Variants in CCDC47 observed in about 807,000 individuals in gnomAD.
CCDC47 encodes the protein coiled-coil domain containing 47, also known as PAT complex subunit CCDC47.
CCDC47 carries 41 observed loss-of-function variants against 60.5 expected under a neutral mutation model. That is an observed-to-expected ratio of 0.68 (90% CI 0.53 to 0.88). CCDC47 has a LOEUF of 0.88. Among genes scored for constraint, CCDC47 ranks in the 40% least tolerant of loss-of-function variants. The probability of loss-of-function intolerance (pLI) is 0.00; values close to 1 mark genes in which losing one functional copy is unlikely to be tolerated. For missense variants in CCDC47, 513 were observed against 580.9 expected (o/e 0.88, Z 1.20); for synonymous variants, 195 against 190.7 (o/e 1.02, Z -0.18).
intron 12 of CCDC47, chr17:63,747,243 G>A (rs2039127237): frequency 1.0e-6 from 1 of 984,748 alleles, no homozygotes; most frequent in Non-Finnish European, 1.2e-6. Context: ...TTGTTATTCT[G>A]GTTTGATTTT....
intron 6 of CCDC47, among the ~76,000 whole-genome samples, chr17:63,759,966 A>T (rs1194086436): frequency 6.7e-6 from 1 of 148,608 alleles, no homozygotes; most frequent in Non-Finnish European, 1.5e-5. Flanking sequence ...CGGGAGGCTG[A>T]GGCAGGAGAA....
At chr17:63,757,337 A>G (rs1450606160) in intron 6 of CCDC47, among the ~76,000 whole-genome samples, 1 of 151,340 alleles carries the variant, frequency 6.6e-6, no homozygotes, top group African/African-American at 2.4e-5. Flanking sequence ...CGTGCACTCC[A>G]TGCTAGGTGA....
At chr17:63,754,855 T>A (rs1166346761) in intron 8 of CCDC47, among the ~76,000 whole-genome samples, 1 of 148,106 alleles carries the variant, frequency 6.8e-6, no homozygotes, top group Non-Finnish European at 1.5e-5. Context: ...TGTACTCCGG[T>A]CTGGGCGACA....
At chr17:63,759,472 G>A (rs1438297996) in intron 6 of CCDC47, among the ~76,000 whole-genome samples, 2 of 104,966 alleles carry the variant, frequency 1.9e-5, no homozygotes, top group Admixed American at 1.2e-4. Context: ...CTGGGTGATA[G>A]AGTGAGATTC....
rs376653510 is a variant in CCDC47 at position 63,752,076 on chromosome 17, C to A, written c.1235G>T (p.Arg412Leu). 6.2e-7 allele frequency: 1 copy of A among 1,613,786 alleles called. No individual in the cohort carries two copies. Among genetic ancestry groups the A allele is most frequent in the Non-Finnish European group, 8.5e-7 (1 of 1,180,004 alleles). Residue 412 changes from arginine (R) to leucine (L), a missense_variant, in exon 12 of 13, where the codon CGA becomes CTA. By Grantham distance (102) the Arg-to-Leu change is moderately radical (BLOSUM62 -2). Transcript: ENST00000225726. ...CAGTTTCAAGAAGTTCTCTTCTACT[C>A]GGGCACGGTTCTTATCTGCTTTTTG... The part of the protein sequence containing the change: ...GKQKADKNRA[R>L]VEENFLKLTH...
In CCDC47 at chr17:63,759,507, AAATATATATATATATATATTTAT is replaced by A. The variant is rs1568249031; in HGVS notation, c.735+1384_735+1406del. On this transcript the variant is annotated intron_variant, in intron 6 of 12. Coordinates refer to ENST00000225726, the MANE Select transcript of CCDC47 (RefSeq NM_020198.3). ...CTGTCTCCCAAAAAAAAAAAAAAAAAAATATATATATATATATATTTATATATATATATATATATATATATATA... is the reference window on the plus strand; with the variant it reads ...CTGTCTCCCAAAAAAAAAAAAAAAAAATATATATATATATATATATATATA... 9.9e-4 allele frequency among the ~76,000 whole-genome samples: 22 copies of A among 22,194 alleles called. 4 individuals are homozygous for A. In the African/African-American group the frequency reaches 0.01, roughly 10 times the overall value. The allele number at this position is 22,194 out of a possible 152,430, so 14.6% of individuals were successfully genotyped here. A position where few individuals can be genotyped will look rare whatever the true frequency, so the allele number is the denominator to read the frequency against.
At chr17:63,772,147 C>G (rs985963138) in intron 1 of CCDC47, among the ~76,000 whole-genome samples, 15 of 151,986 alleles carry the variant, frequency 9.9e-5, no homozygotes, top group African/African-American at 3.6e-4. Flanking sequence ...TGACCTTAGC[C>G]TAATTACTTA....
chr17:63,747,152 T>C, intron 12 of CCDC47, 191 bp from the exon 13 acceptor site: 1 of 982,384 alleles, frequency 1.0e-6, no homozygotes, highest in Non-Finnish European at 1.2e-6. Flanking sequence ...CATTAGTGAA[T>C]AAAAATTAAA....
At chr17:63,747,713 A>C (rs1314969541) in intron 12 of CCDC47, 1 of 985,258 alleles carries the variant, frequency 1.0e-6, no homozygotes, top group East Asian at 1.1e-4. Context: ...GCTCAGAAAT[A>C]TACTCAACTG....
At chr17:63,749,954 C>T (rs948597955) in intron 12 of CCDC47, among the ~76,000 whole-genome samples, 7 of 151,180 alleles carry the variant, frequency 4.6e-5, no homozygotes, top group Non-Finnish European at 8.8e-5. Context: ...GACCCTGTCT[C>T]AAAAATAAAA....
intron 6 of CCDC47, among the ~76,000 whole-genome samples, chr17:63,758,516 A>AG (rs1276829069): frequency 6.6e-6 from 1 of 151,986 alleles, no homozygotes; most frequent in African/African-American, 2.4e-5. Flanking sequence ...TCTAGAAAAA[A>AG]AAAAAATTTA....
intron 12 of CCDC47, among the ~76,000 whole-genome samples, chr17:63,750,819 C>G (rs1211454726): frequency 6.6e-6 from 1 of 151,914 alleles, no homozygotes; most frequent in Non-Finnish European, 1.5e-5. Flanking sequence ...GAACTCCTGA[C>G]CTTGTGATCC....
At chr17:63,763,799 G>T (rs1040991982) in intron 4 of CCDC47, among the ~76,000 whole-genome samples, 5 of 151,534 alleles carry the variant, frequency 3.3e-5, no homozygotes, top group African/African-American at 9.7e-5. Flanking sequence ...ACTCCAGCCT[G>T]GTGACAGAGT....
chr17:63,752,253 C>T, intron 11 of CCDC47, 67 bp downstream of exon 11: 1 of 1,401,642 alleles, frequency 7.1e-7, no homozygotes, highest in Non-Finnish European at 1.0e-6. Flanking sequence ...TCATTGATAG[C>T]TGCCCTCCCC....
At position 63,764,220 on chromosome 17, in the gene CCDC47, T is replaced by C. The variant is rs760728756; in HGVS notation, c.373-30A>G. Reference sequence around the variant, plus strand: ...AAAAGCAAAATCATTCCATTAAATGTTGGCTGAGACTGAAGAATGAAATCT... The same window carrying C: ...AAAAGCAAAATCATTCCATTAAATGCTGGCTGAGACTGAAGAATGAAATCT... On this transcript the variant is annotated intron_variant, in intron 3 of 12. Transcript: ENST00000225726. 5.9e-6 allele frequency: 9 copies of C among 1,530,704 alleles called. No homozygotes were observed. In the African/African-American group the frequency reaches 1.2e-4, roughly 21 times the overall value. The allele number at this position is 1,530,704 out of a possible 1,614,324, so 94.8% of individuals were successfully genotyped here. A position where few individuals can be genotyped will look rare whatever the true frequency, so the allele number is the denominator to read the frequency against.
chr17:63,759,566 TATATATATATAA>T (rs1278899306), intron 6 of CCDC47, among the ~76,000 whole-genome samples: 4 of 88,196 alleles, frequency 4.5e-5, no homozygotes, highest in Non-Finnish European at 6.3e-5. Context: ...TATATATATA[TATATATATATAA>T]AACAATGATT....
intron 1 of CCDC47, among the ~76,000 whole-genome samples, chr17:63,769,613 C>CAAAAA (rs60378449): frequency 7.1e-5 from 7 of 98,992 alleles, no homozygotes; most frequent in Middle Eastern, 6.3e-3. Flanking sequence ...AACTCCATCT[C>CAAAAA]AAAAAAAAAA....
intron 1 of CCDC47, chr17:63,766,963 A>C: frequency 1.0e-6 from 1 of 983,442 alleles, no homozygotes; most frequent in African/African-American, 1.7e-5. Flanking sequence ...AATTATCATA[A>C]GAGCAAACAC....
At position 63,773,519 on chromosome 17, in the gene CCDC47, C is replaced by G. The variant is rs959746855; in HGVS notation, c.-127G>C. On this transcript the variant is annotated 5_prime_UTR_variant, in exon 1 of 13. Coordinates refer to ENST00000225726, the MANE Select transcript of CCDC47 (RefSeq NM_020198.3). ...CGCGATCGCAGCGGTTTTACTGCCCCGGATGCCTCTAGGACGCAGCCAGAA... is the reference window on the plus strand; with the variant it reads ...CGCGATCGCAGCGGTTTTACTGCCCGGGATGCCTCTAGGACGCAGCCAGAA... 1 of 152,634 alleles carries G rather than the reference C, an allele frequency of 6.6e-6. No homozygotes were observed. The highest frequency in any genetic ancestry group is 2.4e-5 in the African/African-American group (1 of 41,472). The allele number at this position is 152,634 out of a possible 1,614,324, so 9.5% of individuals were successfully genotyped here.
Sources: allele counts gnomAD v4.1 joint callset (sites outside exome capture counted in the v4.1 genomes callset), GRCh38; gene constraint gnomAD v4.1.1; transcripts MANE v1.5; gene names NCBI Gene and HGNC (gene_info 2026-07-23, HGNC 2026-07-21).